MFAP2: variants seen among roughly 807,000 people sequenced by gnomAD.
The protein encoded by MFAP2 is microfibrillar-associated protein 2.
A neutral mutation model predicts 30.6 loss-of-function variants in MFAP2; 23 were observed. That is an observed-to-expected ratio of 0.75 (90% CI 0.54 to 1.07). The LOEUF is 1.07. Among genes scored for constraint, MFAP2 ranks in the 50% least tolerant of loss-of-function variants. The probability of loss-of-function intolerance (pLI) is 0.00; values close to 1 mark genes in which losing one functional copy is unlikely to be tolerated. For missense variants in MFAP2, 198 were observed against 223.8 expected (o/e 0.88, Z 0.74); for synonymous variants, 73 against 85.7 (o/e 0.85, Z 0.82).
Position 16,975,611 on chromosome 1 carries a change from A to G in MFAP2, c.374+32T>C, listed in dbSNP as rs527847529. 3.1e-6 allele frequency: 5 copies of G among 1,607,360 alleles called. No individual in the cohort carries two copies. The Admixed American group carries it at 8.4e-5, about 27-fold the overall frequency. ...TGCCCTCTAGCCCCCCATGCTCCGGAATCCTCCCGACAGCTGCCCATCTGT... is the reference window on the plus strand; with the variant it reads ...TGCCCTCTAGCCCCCCATGCTCCGGGATCCTCCCGACAGCTGCCCATCTGT... On this transcript the variant is annotated intron_variant, in intron 7 of 8. Transcript: ENST00000375535. The surrounding 1 kb of genome is among the most constrained non-coding windows in gnomAD (Gnocchi z 5.0).
chr1:16,976,203 G>A lies in MFAP2; in HGVS notation c.286+298C>T. Reference sequence around the variant, plus strand: ...CTCGCCTCCACATGTGCACCACTCAGTCTCTCTGGCTGGCAGGAAGCCCCC... The same window carrying A: ...CTCGCCTCCACATGTGCACCACTCAATCTCTCTGGCTGGCAGGAAGCCCCC... On this transcript the variant is annotated intron_variant, in intron 6 of 8. Coordinates refer to ENST00000375535, the MANE Select transcript of MFAP2 (RefSeq NM_002403.4). The surrounding 1 kb of genome is among the most constrained non-coding windows in gnomAD (Gnocchi z 5.5). The A allele has an allele frequency of 1.8e-6, 1 of 564,708 alleles. No individual in the cohort carries two copies. Among genetic ancestry groups the A allele is most frequent in the Non-Finnish European group, 3.2e-6 (1 of 314,852 alleles). 35.0% of individuals were successfully genotyped at this position (564,708 alleles called of 1,614,324 possible). A position where few individuals can be genotyped will look rare whatever the true frequency, so the allele number is the denominator to read the frequency against.
chr1:16,977,421 T>C (rs1180190010), intron 2 of MFAP2: 2 of 546,592 alleles, frequency 3.7e-6, no homozygotes, highest in African/African-American at 3.8e-5. Context: ...TTCCTGTTGC[T>C]GGCCTCCTGG....
In MFAP2 at chr1:16,975,998, C is replaced by T. The variant is rs2076587674; in HGVS notation, c.287-268G>A. 1.3e-5 allele frequency among the ~76,000 whole-genome samples: 2 copies of T among 152,162 alleles called. No individual in the cohort carries two copies. The highest frequency in any genetic ancestry group is 4.8e-5 in the African/African-American group (2 of 41,434). On this transcript the variant is annotated intron_variant, in intron 6 of 8. Transcript: ENST00000375535. This position sits in a 1 kb window ranked among gnomAD's most constrained non-coding sequence, Gnocchi z 5.0. The stretch of plus-strand genomic sequence containing the variant: ...CCCACCCATGCATCGCCACAAAAGC[C>T]CATACCAACTCCCGAGCAGACGTGC...
At position 16,975,786 on chromosome 1, in the gene MFAP2, C is replaced by T. The variant is rs567736014; in HGVS notation, c.287-56G>A. 4.0e-6 allele frequency: 6 copies of T among 1,506,196 alleles called. No individual in the cohort carries two copies. Among genetic ancestry groups the T allele is most frequent in the East Asian group, 4.6e-5 (2 of 43,086 alleles). The allele number at this position is 1,506,196 out of a possible 1,614,324, so 93.3% of individuals were successfully genotyped here. On this transcript the variant is annotated intron_variant, in intron 6 of 8. Coordinates refer to ENST00000375535, the MANE Select transcript of MFAP2 (RefSeq NM_002403.4). This position sits in a 1 kb window ranked among gnomAD's most constrained non-coding sequence, Gnocchi z 5.0. Reference sequence around the variant, plus strand: ...CAGAGTGGGGGGCGGCCCCCAGCCTCACCCACCTGAGGCTGGCTCACAGGG... The same window carrying T: ...CAGAGTGGGGGGCGGCCCCCAGCCTTACCCACCTGAGGCTGGCTCACAGGG...
In MFAP2 at chr1:16,974,927, C is replaced by T. The variant is rs2076576039; in HGVS notation, c.545G>A (p.Ser182Asn). Residue 182 changes from serine to asparagine, a missense_variant, in exon 9 of 9, where the codon AGC (serine) becomes AAC (asparagine). Transcript: ENST00000375535. ...CAGGATGCCAGCACCACCCTAGCAGCTCCCACAGCTCCTGGCACAGGAGGC... is the reference window on the plus strand; with the variant it reads ...CAGGATGCCAGCACCACCCTAGCAGTTCCCACAGCTCCTGGCACAGGAGGC... ...VAASCARSCG[S>N]C 6 of 817,918 alleles carry T rather than the reference C, an allele frequency of 7.3e-6. No homozygotes were observed. In the East Asian group the frequency reaches 1.6e-4, roughly 22 times the overall value. 50.7% of individuals were successfully genotyped at this position (817,918 alleles called of 1,614,324 possible).
In MFAP2 at chr1:16,976,660, G is replaced by A. The variant is rs751234963; in HGVS notation, c.241+48C>T. Reference sequence around the variant, plus strand: ...ACTCCCAGGGTTGACAGGGTGGGGAGGGGTGAGGCAGGAGCTGAGACGGGT... The same window carrying A: ...ACTCCCAGGGTTGACAGGGTGGGGAAGGGTGAGGCAGGAGCTGAGACGGGT... On this transcript the variant is annotated intron_variant, in intron 5 of 8. Transcript: ENST00000375535. The surrounding 1 kb of genome is among the most constrained non-coding windows in gnomAD (Gnocchi z 5.5). 16 of 1,609,826 alleles carry A rather than the reference G, an allele frequency of 9.9e-6. No homozygotes were observed. The highest frequency in any genetic ancestry group is 7.7e-5 in the South Asian group (7 of 90,978).
chr1:16,976,673 A>G lies in MFAP2; in HGVS notation c.241+35T>C, dbSNP rs1424333085. 2 of 1,599,322 alleles carry G rather than the reference A, an allele frequency of 1.3e-6. No individual in the cohort carries two copies. Among genetic ancestry groups the G allele is most frequent in the East Asian group, 4.5e-5 (2 of 44,798 alleles). ...ACAGGGTGGGGAGGGGTGAGGCAGGAGCTGAGACGGGTGGGAGCAGGGTCT... is the reference window on the plus strand; with the variant it reads ...ACAGGGTGGGGAGGGGTGAGGCAGGGGCTGAGACGGGTGGGAGCAGGGTCT... On this transcript the variant is annotated intron_variant, in intron 5 of 8. Transcript: ENST00000375535. This position sits in a 1 kb window ranked among gnomAD's most constrained non-coding sequence, Gnocchi z 5.5.
Position 16,976,748 on chromosome 1 carries a change from C to T in MFAP2, c.201G>A (p.Gln67=). ...GGATGACTTCCTGTTGGACTTGCTG[C>T]TGGGACTGGAACTGGAACTGTTCCT... ...PSEEQFQFQS[Q]QQVQQEVIPA... The change falls in exon 5 of 9, where the codon CAG becomes CAA. Residue 67 remains glutamine (Q), a synonymous_variant. Coordinates refer to ENST00000375535, the MANE Select transcript of MFAP2 (RefSeq NM_002403.4). The surrounding 1 kb of genome is among the most constrained non-coding windows in gnomAD (Gnocchi z 5.5). 1.2e-6 allele frequency: 2 copies of T among 1,613,918 alleles called. No individual in the cohort carries two copies. Among genetic ancestry groups the T allele is most frequent in the Non-Finnish European group, 8.5e-7 (1 of 1,179,884 alleles).
Position 16,975,456 on chromosome 1 carries a change from C to T in MFAP2, c.375-114G>A, listed in dbSNP as rs2076582452. 2.1e-6 allele frequency: 2 copies of T among 932,530 alleles called. No individual in the cohort carries two copies. The highest frequency in any genetic ancestry group is 2.1e-5 in the African/African-American group (1 of 47,572). The allele number at this position is 932,530 out of a possible 1,614,324, so 57.8% of individuals were successfully genotyped here. ...ACAGAACCTGGCACGGGAGCCCGGA[C>T]AGAACCTGGCACTGGAGCCCAGGAG... is the stretch of plus-strand genomic sequence containing the variant. On this transcript the variant is annotated intron_variant, in intron 7 of 8. Transcript: ENST00000375535. This position sits in a 1 kb window ranked among gnomAD's most constrained non-coding sequence, Gnocchi z 5.0.
rs200127645 is a variant in MFAP2 at position 16,975,725 on chromosome 1, G to T, written c.292C>A (p.Arg98Ser). The part of the protein sequence containing the change: ...EPTEPGPLDC[R>S]EEQYPCTRLY... ...CGGGTGCACGGGTACTGTTCCTCAC[G>T]GCAGTCTGGTGACAGGTGGGGTCAG... The change falls in exon 7 of 9, where the codon CGT becomes AGT. Residue 98 changes from arginine to serine, a missense_variant. Transcript: ENST00000375535. This position sits in a 1 kb window ranked among gnomAD's most constrained non-coding sequence, Gnocchi z 5.0. 3.1e-6 allele frequency: 5 copies of T among 1,612,896 alleles called. No homozygotes were observed. Among genetic ancestry groups the T allele is most frequent in the Non-Finnish European group, 4.2e-6 (5 of 1,179,564 alleles).
At chr1:16,977,361 A>G (rs1378910494) in intron 2 of MFAP2, 163 bp from the exon 3 acceptor site, 2 of 652,960 alleles carry the variant, frequency 3.1e-6, no homozygotes, top group Non-Finnish European at 5.2e-6. Flanking sequence ...GATGGTAAAG[A>G]CCCTTCCCCA....
chr1:16,978,141 T>A (rs190032221), intron 2 of MFAP2, 96 bp downstream of exon 2: 34 of 1,373,288 alleles, frequency 2.5e-5, no homozygotes, highest in Non-Finnish European at 2.2e-5. Context: ...GTTCTGGTCA[T>A]AAGTCGTGAC....
At chr1:16,977,228 C>G (rs1346719102) in intron 2 of MFAP2, 30 bp from the exon 3 acceptor site, 1 of 1,607,790 alleles carries the variant, frequency 6.2e-7, no homozygotes, top group African/African-American at 1.3e-5. Flanking sequence ...GTAGGGTACC[C>G]CATCGGGAGG....
intron 2 of MFAP2, chr1:16,977,713 C>T (rs1288392624): frequency 5.7e-6 from 1 of 174,208 alleles, no homozygotes; most frequent in African/African-American, 2.4e-5. Context: ...ATCGCTGAAT[C>T]CCCAGGGCCT....
intron 1 of MFAP2, 70 bp from the exon 2 acceptor site, chr1:16,978,384 CCT>C (rs2076610833): frequency 9.2e-6 from 12 of 1,306,808 alleles, no homozygotes; most frequent in East Asian, 5.1e-5. Context: ...CCTTTGATCC[CCT>C]GATTTCGCCC....
chr1:16,977,540 G>A, intron 2 of MFAP2: 2 of 249,088 alleles, frequency 8.0e-6, no homozygotes, highest in Non-Finnish European at 1.5e-5. Context: ...TGGAATTTCA[G>A]CTGTGCCAAG....
chr1:16,975,216 A>G lies in MFAP2; in HGVS notation c.448+53T>C, dbSNP rs527391228. ...ATCAGGTGGGTGGCTAGGTGGCCAG[A>G]TAATGATGCGGGTGTGGGGACAGGG... On this transcript the variant is annotated intron_variant, in intron 8 of 8. Transcript: ENST00000375535. This position sits in a 1 kb window ranked among gnomAD's most constrained non-coding sequence, Gnocchi z 5.0. The G allele has an allele frequency of 4.5e-6, 7 of 1,547,616 alleles. No homozygotes were observed. The Admixed American group carries it at 1.2e-4, about 26-fold the overall frequency.
chr1:16,977,091 A>C lies in MFAP2; in HGVS notation c.127+18T>G. The C allele has an allele frequency of 5.6e-6, 9 of 1,613,608 alleles. No individual in the cohort carries two copies. The highest frequency in any genetic ancestry group is 7.6e-6 in the Non-Finnish European group (9 of 1,179,816). On this transcript the variant is annotated intron_variant, in intron 3 of 8. Coordinates refer to ENST00000375535, the MANE Select transcript of MFAP2 (RefSeq NM_002403.4). ...ACATCTGAGCAGCCAGGCCTCGGTG[A>C]CCCGGCAAGGCCCTTACCGATCTGG...
At position 16,975,141 on chromosome 1, in the gene MFAP2, C is replaced by T; in HGVS notation, c.449-118G>A. ...GGATGAAAAGTAGCAAGGAGGGGAG[C>T]TCAGGGTGTCCTGGAAGTGGGCCTG... On this transcript the variant is annotated intron_variant, in intron 8 of 8. Coordinates refer to ENST00000375535, the MANE Select transcript of MFAP2 (RefSeq NM_002403.4). The surrounding 1 kb of genome is among the most constrained non-coding windows in gnomAD (Gnocchi z 5.0). 1 of 1,277,882 alleles carries T rather than the reference C, an allele frequency of 7.8e-7. No homozygotes were observed. Among genetic ancestry groups the T allele is most frequent in the Non-Finnish European group, 1.1e-6 (1 of 898,640 alleles). 79.2% of individuals were successfully genotyped at this position (1,277,882 alleles called of 1,614,324 possible). A position where few individuals can be genotyped will look rare whatever the true frequency, so the allele number is the denominator to read the frequency against.
Sources: gnomAD v4.1 joint callset for allele counts (sites outside exome capture counted in the v4.1 genomes callset) on GRCh38, gnomAD v4.1.1 for gene constraint, Gnocchi (gnomAD v3.1) non-coding constraint, MANE v1.5 for transcripts, NCBI Gene and HGNC (gene_info 2026-07-23, HGNC 2026-07-21) for gene names.